Variants in HAPSTR1 observed in about 807,000 individuals in gnomAD.
HAPSTR1 encodes the protein HUWE1 associated protein modifying stress responses, also known as HUWE1-associated protein modifying stress responses 1.
At chr16:9,099,117 A>G in the HAPSTR1 span, among the ~76,000 whole-genome samples, 6 of 139,326 alleles carry the variant, frequency 4.3e-5, no homozygotes, top group Non-Finnish European at 7.6e-5. Flanking sequence ...TCAGTTTCCC[A>G]TGCTTATATA....
At chr16:9,119,243 A>G in the HAPSTR1 span, 1 of 152,216 alleles carries the variant, frequency 6.6e-6, no homozygotes, top group African/African-American at 2.4e-5. Context: ...CTCAGGAAAA[A>G]CTTCTGACAG....
chr16:9,115,001 G>T, the HAPSTR1 span, among the ~76,000 whole-genome samples: 4 of 152,300 alleles, frequency 2.6e-5, no homozygotes, highest in African/African-American at 9.6e-5. Flanking sequence ...AGGAGGGGAG[G>T]ATGTGTCTTC....
chr16:9,102,913 G>C, the HAPSTR1 span: 3 of 1,488,528 alleles, frequency 2.0e-6, no homozygotes, highest in African/African-American at 2.8e-5. Flanking sequence ...ATTGTAAAAT[G>C]GTTTTCTTTA....
chr16:9,107,975 G>T, the HAPSTR1 span: 12 of 152,170 alleles, frequency 7.9e-5, no homozygotes, highest in South Asian at 2.5e-3. Flanking sequence ...ACAACACAGT[G>T]GGGACCCAGA....
At chr16:9,094,058 G>T in the HAPSTR1 span, among the ~76,000 whole-genome samples, 1 of 152,126 alleles carries the variant, frequency 6.6e-6, no homozygotes, top group African/African-American at 2.4e-5. Context: ...CTGTCAAGTT[G>T]TTAATTTTTG....
At chr16:9,101,521 G>T in the HAPSTR1 span, among the ~76,000 whole-genome samples, 1 of 152,108 alleles carries the variant, frequency 6.6e-6, no homozygotes, top group Non-Finnish European at 1.5e-5. Context: ...TCATTTTAAA[G>T]TATTTTTTCT....
At chr16:9,109,277 C>T in the HAPSTR1 span, 4 of 152,226 alleles carry the variant, frequency 2.6e-5, no homozygotes, top group African/African-American at 9.6e-5. Flanking sequence ...ATCTAGTCTG[C>T]CTTCATTCTG....
At chr16:9,093,079 G>A in the HAPSTR1 span, 1 of 1,368,912 alleles carries the variant, frequency 7.3e-7, no homozygotes, top group South Asian at 1.2e-5. Context: ...TTCCAAGTGT[G>A]TTTTCTGCTC....
the HAPSTR1 span, among the ~76,000 whole-genome samples, chr16:9,092,748 C>G: frequency 1.3e-5 from 2 of 152,218 alleles, no homozygotes; most frequent in Non-Finnish European, 2.9e-5. Flanking sequence ...CCCTGCCCCC[C>G]CGGTCCTCAC....
the HAPSTR1 span, chr16:9,116,516 A>T: frequency 0.51 from 478,769 of 944,540 alleles, 128,042 homozygotes; most frequent in African/African-American, 0.86. Context: ...TGATATGTTT[A>T]TCCAGAATAA....
the HAPSTR1 span, among the ~76,000 whole-genome samples, chr16:9,093,735 A>T: frequency 1.3e-5 from 2 of 152,120 alleles, no homozygotes; most frequent in African/African-American, 4.8e-5. Flanking sequence ...CTTTGTGATG[A>T]CATGAAGATG....
At chr16:9,102,047 G>C in the HAPSTR1 span, among the ~76,000 whole-genome samples, 2 of 152,360 alleles carry the variant, frequency 1.3e-5, no homozygotes, top group South Asian at 4.1e-4. Context: ...TGGAGGCGGA[G>C]GTTGCAGTGA....
chr16:9,092,097 A>C, the HAPSTR1 span: 1 of 1,547,302 alleles, frequency 6.5e-7, no homozygotes, highest in East Asian at 2.4e-5. Flanking sequence ...CACGGGCCCG[A>C]GCACTGGTTC....
chr16:9,097,340 T>C, the HAPSTR1 span, among the ~76,000 whole-genome samples: 1 of 150,892 alleles, frequency 6.6e-6, no homozygotes, highest in African/African-American at 2.4e-5. Context: ...CCTTCCAGGC[T>C]CAAGTGATCC....
chr16:9,108,253 C>G, the HAPSTR1 span: 1 of 152,098 alleles, frequency 6.6e-6, no homozygotes, highest in Non-Finnish European at 1.5e-5. Context: ...AGATATGGAG[C>G]AGGTTAGTAA....
the HAPSTR1 span, chr16:9,107,901 G>T: frequency 2.0e-5 from 3 of 152,024 alleles, no homozygotes; most frequent in Admixed American, 6.5e-5. Context: ...ACATAGCAAA[G>T]AACCTGACAT....
the HAPSTR1 span, chr16:9,117,655 C>T: frequency 6.6e-6 from 1 of 152,632 alleles, no homozygotes; most frequent in African/African-American, 2.4e-5. Flanking sequence ...ACAAACACTA[C>T]TTCCCATGCG....
chr16:9,116,479 A>G, the HAPSTR1 span, among the ~76,000 whole-genome samples: 2 of 152,114 alleles, frequency 1.3e-5, no homozygotes, highest in Non-Finnish European at 2.9e-5. Context: ...TGGTAGTATT[A>G]CCAATAAAAT....
At chr16:9,102,606 C>T in the HAPSTR1 span, among the ~76,000 whole-genome samples, 28,467 of 152,154 alleles carry the variant, frequency 0.19, 3,557 homozygotes, top group Non-Finnish European at 0.27. Flanking sequence ...GAATGTATCT[C>T]CACAATGACG....
Sources: gnomAD v4.1 joint callset for allele counts (sites outside exome capture counted in the v4.1 genomes callset) on GRCh38, gnomAD v4.1.1 for gene constraint, MANE v1.5 for transcripts, NCBI Gene and HGNC (gene_info 2026-07-23, HGNC 2026-07-21) for gene names.